RASEF: variants seen among roughly 807,000 people sequenced by gnomAD.
The protein encoded by RASEF is RAS and EF-hand domain containing, also known as ras and EF-hand domain-containing protein.
Under a neutral mutation model 90.1 loss-of-function variants are expected in RASEF, and 68 were observed. That is an observed-to-expected ratio of 0.75 (90% confidence interval 0.62 to 0.92). The LOEUF is 0.92. Among genes scored for constraint, RASEF ranks in the 40% least tolerant of loss-of-function variants. The pLI is 0.00. For missense variants in RASEF, 949 were observed against 937.2 expected, an observed-to-expected ratio of 1.01 and a Z score of -0.16; for synonymous variants, 331 against 345.2, an observed-to-expected ratio of 0.96 and a Z score of 0.46.
At chr9:83,154,682 A>G in the RASEF span, among the ~76,000 whole-genome samples, 1 of 152,256 alleles carries the variant, frequency 6.6e-6, no homozygotes, top group Admixed American at 6.5e-5. Context: ...TTTCTACCCC[A>G]TGGTGATATC....
rs2118339376 is a variant in RASEF at position 82,982,334 on chromosome 9, A to G, written c.*343T>C. The G allele has an allele frequency of 6.1e-6, 1 of 164,736 alleles. No homozygotes were observed. Among genetic ancestry groups the G allele is most frequent in the Middle Eastern group, 2.8e-3 (1 of 352 alleles). 10.2% of individuals were successfully genotyped at this position (164,736 alleles called of 1,614,324 possible). A position where few individuals can be genotyped will look rare whatever the true frequency, so the allele number is the denominator to read the frequency against. ...TTGTGGGTAACCTAATTCAGCTACC[A>G]CATGAATCTAATTATGTCAGTTTCC... On this transcript the variant is annotated 3_prime_UTR_variant, in exon 17 of 17. Coordinates refer to ENST00000376447, the MANE Select transcript of RASEF (RefSeq NM_152573.4).
chr9:83,160,949 G>T, the RASEF span, among the ~76,000 whole-genome samples: 3 of 152,332 alleles, frequency 2.0e-5, no homozygotes, highest in South Asian at 6.2e-4. Flanking sequence ...TAGGTGCACA[G>T]AAGTCAAGAA....
the RASEF span, among the ~76,000 whole-genome samples, chr9:83,161,580 T>C: frequency 6.6e-6 from 1 of 152,206 alleles, no homozygotes; most frequent in East Asian, 1.9e-4. Flanking sequence ...GACGTTGGAC[T>C]GTGGACTTTT....
the RASEF span, among the ~76,000 whole-genome samples, chr9:83,151,769 T>C: frequency 6.6e-6 from 1 of 152,192 alleles, no homozygotes; most frequent in East Asian, 1.9e-4. Context: ...CACAAAGGCT[T>C]ATGGCTCTGC....
At chr9:83,109,237 A>C in the RASEF span, among the ~76,000 whole-genome samples, 2 of 152,208 alleles carry the variant, frequency 1.3e-5, no homozygotes, top group Non-Finnish European at 1.5e-5. Flanking sequence ...ATGAGTAATA[A>C]AGAAATGGAT....
the RASEF span, among the ~76,000 whole-genome samples, chr9:83,089,927 TAG>T: frequency 8.0e-5 from 12 of 150,914 alleles, no homozygotes; most frequent in African/African-American, 2.9e-4. Flanking sequence ...GATAGATAGA[TAG>T]ATAGATAGAT....
the RASEF span, among the ~76,000 whole-genome samples, chr9:83,156,302 T>C: frequency 6.6e-6 from 1 of 152,202 alleles, no homozygotes; most frequent in African/African-American, 2.4e-5. Flanking sequence ...TGAAAGCTCC[T>C]AGCAGATAAC....
intron 9 of RASEF, among the ~76,000 whole-genome samples, chr9:83,004,102 A>G (rs942665380): frequency 6.6e-6 from 1 of 152,204 alleles, no homozygotes; most frequent in African/African-American, 2.4e-5. Context: ...AACATAGCTC[A>G]TATAATATTA....
chr9:83,100,923 G>A, the RASEF span, among the ~76,000 whole-genome samples: 5 of 152,014 alleles, frequency 3.3e-5, no homozygotes, highest in African/African-American at 9.7e-5. Context: ...TACACAAATG[G>A]CAAAAGATTC....
the RASEF span, among the ~76,000 whole-genome samples, chr9:83,105,797 T>G: frequency 6.6e-6 from 1 of 152,166 alleles, no homozygotes; most frequent in Non-Finnish European, 1.5e-5. Context: ...CTGAAAATAA[T>G]CATAGCCAGG....
the RASEF span, among the ~76,000 whole-genome samples, chr9:83,114,321 C>T: frequency 6.6e-6 from 1 of 152,166 alleles, no homozygotes; most frequent in Admixed American, 6.5e-5. Flanking sequence ...TAATCTTAAT[C>T]CCGTCAACTT....
chr9:83,097,156 G>A, the RASEF span, among the ~76,000 whole-genome samples: 1 of 152,184 alleles, frequency 6.6e-6, no homozygotes, highest in Non-Finnish European at 1.5e-5. Context: ...CCAGTAATGG[G>A]ATGGCTGGGT....
the RASEF span, among the ~76,000 whole-genome samples, chr9:83,088,439 C>T: frequency 6.6e-6 from 1 of 151,102 alleles, no homozygotes; most frequent in Non-Finnish European, 1.5e-5. Flanking sequence ...ACTATCTTGG[C>T]TAATAGTGTT....
the RASEF span, among the ~76,000 whole-genome samples, chr9:83,161,111 G>C: frequency 1.3e-5 from 2 of 152,236 alleles, no homozygotes; most frequent in Non-Finnish European, 2.9e-5. Context: ...CCCCCCCACA[G>C]AGTCCCTACT....
At chr9:82,983,107 C>CCACACACACACACACACACA (rs10539196) in intron 16 of RASEF, among the ~76,000 whole-genome samples, 5 of 128,560 alleles carry the variant, frequency 3.9e-5, no homozygotes, top group African/African-American at 1.5e-4. Context: ...GAGTACCAGG[C>CCACACACACACACACACACA]CACACACACA....
intron 9 of RASEF, among the ~76,000 whole-genome samples, chr9:83,002,339 G>A (rs1013025596): frequency 1.8e-4 from 28 of 152,062 alleles, no homozygotes; most frequent in African/African-American, 6.8e-4. Context: ...AAAAGATGAT[G>A]TAACTAACTT....
chr9:83,140,392 G>A, the RASEF span, among the ~76,000 whole-genome samples: 1 of 152,130 alleles, frequency 6.6e-6, no homozygotes. Context: ...AACTACACTG[G>A]CTCATAGATA....
the RASEF span, among the ~76,000 whole-genome samples, chr9:83,216,382 G>T: frequency 4.6e-5 from 7 of 152,158 alleles, no homozygotes; most frequent in South Asian, 2.1e-4. Context: ...CTAGGGACTT[G>T]GTGCCCTGTG....
chr9:83,065,907 G>A (rs556325621), upstream of RASEF, among the ~76,000 whole-genome samples: 5 of 152,108 alleles, frequency 3.3e-5, no homozygotes, highest in Non-Finnish European at 7.4e-5. Context: ...GGGATGCTAC[G>A]GAATATCCTG....
Sources: allele counts gnomAD v4.1 joint callset (sites outside exome capture counted in the v4.1 genomes callset), GRCh38; gene constraint gnomAD v4.1.1; transcripts MANE v1.5; gene names NCBI Gene and HGNC (gene_info 2026-07-23, HGNC 2026-07-21).